DTWD2: variants seen among roughly 807,000 people sequenced by gnomAD.
DTWD2 encodes tRNA-uridine aminocarboxypropyltransferase 2.
Under a neutral mutation model 31.8 loss-of-function variants are expected in DTWD2, and 39 were observed. The observed-to-expected ratio is 1.22, with a 90% CI of 0.95 to 1.60. The LOEUF is 1.60. Ranked by LOEUF, DTWD2 falls within the 40% of genes most tolerant of loss-of-function variation. The pLI, the probability that DTWD2 is intolerant of heterozygous loss-of-function variation, is 0.00. For missense variants in DTWD2, 515 were observed against 381.5 expected (o/e 1.35, Z -2.92); for synonymous variants, 180 against 142.8 (o/e 1.26, Z -1.86).
chr5:118,889,531 T>C (rs576564238), intron 4 of DTWD2, among the ~76,000 whole-genome samples: 1 of 152,026 alleles, frequency 6.6e-6, no homozygotes, highest in African/African-American at 2.4e-5. Context: ...CGGGGGGATA[T>C]GCATGTATAT....
At chr5:118,937,866 A>ATT (rs545450225) in intron 3 of DTWD2, among the ~76,000 whole-genome samples, 126 of 151,868 alleles carry the variant, frequency 8.3e-4, no homozygotes, top group African/African-American at 2.9e-3. Flanking sequence ...CCTTTCATGC[A>ATT]TTTTGGCTTC....
At chr5:118,988,229 G>A in intron 1 of DTWD2, 65 bp downstream of exon 1, 4 of 1,528,138 alleles carry the variant, frequency 2.6e-6, no homozygotes, top group Non-Finnish European at 3.5e-6. Context: ...CCCCGGCAGG[G>A]GGCGCCGCAC....
intron 3 of DTWD2, among the ~76,000 whole-genome samples, chr5:118,930,702 C>T (rs1030250929): frequency 6.6e-6 from 1 of 152,082 alleles, no homozygotes; most frequent in African/African-American, 2.4e-5. Context: ...CATGTTACAA[C>T]CTTGAAAACA....
intron 1 of DTWD2, among the ~76,000 whole-genome samples, chr5:118,981,028 G>A (rs1755287458): frequency 6.6e-6 from 1 of 152,170 alleles, no homozygotes; most frequent in African/African-American, 2.4e-5. Context: ...AGAATTCAGT[G>A]AAATTTTCAT....
At chr5:118,961,631 C>T (rs540502103) in intron 1 of DTWD2, among the ~76,000 whole-genome samples, 1 of 152,294 alleles carries the variant, frequency 6.6e-6, no homozygotes, top group African/African-American at 2.4e-5. Context: ...GCTGCATGAA[C>T]ATCCATCCTT....
chr5:118,976,190 A>AG (rs1755152791), intron 1 of DTWD2, among the ~76,000 whole-genome samples: 1 of 152,252 alleles, frequency 6.6e-6, no homozygotes. Flanking sequence ...CAGCTAACGC[A>AG]GCGTTTAGAG....
intron 4 of DTWD2, among the ~76,000 whole-genome samples, chr5:118,888,608 T>C (rs937142003): frequency 6.6e-6 from 1 of 152,256 alleles, no homozygotes; most frequent in South Asian, 2.1e-4. Context: ...TCATTTCTCT[T>C]GGTTAAATAT....
chr5:118,932,053 A>C (rs994332620), intron 3 of DTWD2, among the ~76,000 whole-genome samples: 3 of 152,204 alleles, frequency 2.0e-5, no homozygotes, highest in Non-Finnish European at 4.4e-5. Context: ...CAACTTATCA[A>C]AATGTGTGGG....
intron 3 of DTWD2, among the ~76,000 whole-genome samples, chr5:118,937,736 T>A (rs1427060847): frequency 1.3e-5 from 2 of 152,146 alleles, no homozygotes; most frequent in Non-Finnish European, 2.9e-5. Flanking sequence ...AAAGGCATAA[T>A]CCCACAGGTC....
At chr5:118,974,161 G>C (rs1755070584) in intron 1 of DTWD2, 2 of 1,528,396 alleles carry the variant, frequency 1.3e-6, no homozygotes, top group African/African-American at 2.8e-5. Flanking sequence ...AAAAAAAAAG[G>C]CCGCCTTGAC....
chr5:118,913,392 T>C (rs188174615), intron 4 of DTWD2, among the ~76,000 whole-genome samples: 4 of 136,514 alleles, frequency 2.9e-5, no homozygotes, highest in Admixed American at 7.8e-5. Flanking sequence ...ATGAACCATA[T>C]ATATATAGAT....
chr5:118,958,971 G>A (rs570107902), intron 1 of DTWD2, among the ~76,000 whole-genome samples: 17 of 152,246 alleles, frequency 1.1e-4, no homozygotes, highest in African/African-American at 3.4e-4. Context: ...AGCCATCTAT[G>A]CCAAACCCAC....
intron 1 of DTWD2, among the ~76,000 whole-genome samples, chr5:118,971,539 T>A (rs1432403890): frequency 6.6e-6 from 1 of 152,120 alleles, no homozygotes; most frequent in Non-Finnish European, 1.5e-5. Flanking sequence ...AGTGAGAGAC[T>A]TTAACACCCC....
At chr5:118,941,422 C>T (rs1314939495) in intron 2 of DTWD2, among the ~76,000 whole-genome samples, 2 of 152,096 alleles carry the variant, frequency 1.3e-5, no homozygotes, top group Non-Finnish European at 2.9e-5. Context: ...TGAGAACATG[C>T]AGTGTTTGGT....
chr5:118,957,226 A>ATT (rs913843045), intron 1 of DTWD2, among the ~76,000 whole-genome samples: 1 of 147,692 alleles, frequency 6.8e-6, no homozygotes. Context: ...TACTGTTGTG[A>ATT]TTTTTTTTTT....
intron 4 of DTWD2, among the ~76,000 whole-genome samples, chr5:118,849,009 G>C (rs1486454322): frequency 1.3e-5 from 2 of 152,164 alleles, no homozygotes; most frequent in African/African-American, 4.8e-5. Flanking sequence ...GGCAGCAAAA[G>C]CCAAAATTGA....
intron 5 of DTWD2, among the ~76,000 whole-genome samples, chr5:118,845,077 G>A (rs1751818972): frequency 6.6e-6 from 1 of 152,116 alleles, no homozygotes; most frequent in Non-Finnish European, 1.5e-5. Flanking sequence ...AACCCAGGAG[G>A]CAGAAGTTGC....
chr5:118,984,092 G>C lies in DTWD2; in HGVS notation c.218+4202C>G, dbSNP rs986791790. On this transcript the variant is annotated intron_variant, in intron 1 of 5. Coordinates refer to ENST00000510708, the MANE Select transcript of DTWD2 (RefSeq NM_173666.4). ...ACCTGAGGTTGGAAGCTCGAGACCA[G>C]CCTGACCAACATGGAGAAGCCCCAT... Among the ~76,000 whole-genome samples the C allele has an allele frequency of 2.0e-5, 3 of 152,180 alleles. 1 individual carries two copies. In the East Asian group the frequency reaches 5.8e-4, roughly 29 times the overall value.
intron 1 of DTWD2, among the ~76,000 whole-genome samples, chr5:118,947,543 T>C (rs970655197): frequency 1.3e-5 from 2 of 152,116 alleles, no homozygotes; most frequent in Admixed American, 1.3e-4. Context: ...CAGCTGCCTT[T>C]CCTCCTCTCC....
Sources: gnomAD v4.1 joint callset for allele counts (sites outside exome capture counted in the v4.1 genomes callset) on GRCh38, gnomAD v4.1.1 for gene constraint, MANE v1.5 for transcripts, NCBI Gene and HGNC (gene_info 2026-07-23, HGNC 2026-07-21) for gene names.